The following SOX9 variants were observed in gnomAD, a reference collection of about 807,000 sequenced individuals.
The protein encoded by SOX9 is SRY-box transcription factor 9.
SOX9 carries 2 observed loss-of-function variants against 44.8 expected under a neutral mutation model. The observed-to-expected ratio is 0.04, with a 90% CI of 0.02 to 0.14. The LOEUF (loss-of-function observed/expected upper bound fraction) is 0.14. Ranked by LOEUF, SOX9 falls within the 10% of genes least tolerant of loss-of-function variation. The pLI is 1.00. For synonymous variants in SOX9, 381 were observed against 331.8 expected (o/e 1.15, Z -1.61); for missense variants, 583 against 728.6 (o/e 0.80, Z 2.30).
rs750617474 is a variant in SOX9, at chr17:72,124,399, A to T, written c.*12A>T. On this transcript the variant is annotated 3_prime_UTR_variant, in exon 3 of 3. Transcript: ENST00000245479. The surrounding 1 kb of genome is among the most constrained non-coding windows in gnomAD (Gnocchi z 4.6). The stretch of plus-strand genomic sequence containing the variant: ...TCACTCGACCTTGAGGAGGCCTCCC[A>T]CGAAGGGCGAAGATGGCCGAGATGA... 1.3e-6 allele frequency: 2 copies of T among 1,599,926 alleles called. No homozygotes were observed. The highest frequency in any genetic ancestry group is 4.5e-5 in the East Asian group (2 of 44,868).
rs1469172813 is a variant in SOX9, at chr17:72,122,838, A to C, written c.551A>C (p.Asn184Thr). 6.2e-7 allele frequency: 1 copy of C among 1,614,038 alleles called. No homozygotes were observed. Among genetic ancestry groups the C allele is most frequent in the East Asian group, 2.2e-5 (1 of 44,880 alleles). The change falls in exon 2 of 3, where the codon AAC becomes ACC. Residue 184 changes from asparagine (N) to threonine (T), a missense_variant. By Grantham distance (65) the Asn-to-Thr change is moderately conservative. This residue lies in a region of SOX9 where 88 missense variants were observed against 65.5 expected (regional missense o/e 1.34). Coordinates refer to ENST00000245479, the MANE Select transcript of SOX9 (RefSeq NM_000346.4). The part of the protein sequence containing the change: ...YQPRRRKSVK[N>T]GQAEAEEATE... The stretch of plus-strand genomic sequence containing the variant: ...CCGCGGCGGAGGAAGTCGGTGAAGA[A>C]CGGGCAGGCGGAGGCAGAGGAGGCC...
chr17:72,124,781 G>T lies in SOX9; in HGVS notation c.*394G>T. ...GGACTTTGTAATTATTTTTTTAGCA[G>T]TAATTAAAGAAAAAAGTCCTCTGTG... On this transcript the variant is annotated 3_prime_UTR_variant, in exon 3 of 3. Coordinates refer to ENST00000245479, the MANE Select transcript of SOX9 (RefSeq NM_000346.4). The surrounding 1 kb of genome is among the most constrained non-coding windows in gnomAD (Gnocchi z 4.6). 2.7e-6 allele frequency: 1 copy of T among 370,592 alleles called. No individual in the cohort carries two copies. Among genetic ancestry groups the T allele is most frequent in the South Asian group, 3.7e-5 (1 of 27,248 alleles). 23.0% of individuals were successfully genotyped at this position (370,592 alleles called of 1,614,324 possible). A position where few individuals can be genotyped will look rare whatever the true frequency, so the allele number is the denominator to read the frequency against.
chr17:72,124,942 C>G lies in SOX9; in HGVS notation c.*555C>G, dbSNP rs1908237499. ...AACAGCTAAACTACTCTTAGTTGAA[C>G]AGTGTGCCCTAGCTTTTCTTGCAAC... On this transcript the variant is annotated 3_prime_UTR_variant, in exon 3 of 3. Coordinates refer to ENST00000245479, the MANE Select transcript of SOX9 (RefSeq NM_000346.4). The surrounding 1 kb of genome is among the most constrained non-coding windows in gnomAD (Gnocchi z 4.6). 4.3e-6 allele frequency: 1 copy of G among 234,746 alleles called. No homozygotes were observed. Among genetic ancestry groups the G allele is most frequent in the Admixed American group, 5.0e-5 (1 of 19,940 alleles). The allele number at this position is 234,746 out of a possible 1,614,324, so 14.5% of individuals were successfully genotyped here. A position where few individuals can be genotyped will look rare whatever the true frequency, so the allele number is the denominator to read the frequency against.
rs1908071810 is a variant in SOX9 at position 72,121,156 on chromosome 17, T to TCCC, written c.-234_-232dup. ...GCGCCCCCACTTTTGCTCTTTTTCC[T>TCCC]CCCCTCCTCCTCCTCTCCAATTCGC... On this transcript the variant is annotated 5_prime_UTR_variant, in exon 1 of 3. Coordinates refer to ENST00000245479, the MANE Select transcript of SOX9 (RefSeq NM_000346.4). The surrounding 1 kb of genome is among the most constrained non-coding windows in gnomAD (Gnocchi z 8.3). 1 of 570,840 alleles carries TCCC rather than the reference T, an allele frequency of 1.8e-6. No homozygotes were observed. 35.4% of individuals were successfully genotyped at this position (570,840 alleles called of 1,614,324 possible).
intron 1 of SOX9, 83 bp from the exon 2 acceptor site, chr17:72,122,636 C>T (rs2143244232): frequency 6.9e-7 from 1 of 1,442,524 alleles, no homozygotes; most frequent in Non-Finnish European, 9.5e-7. Flanking sequence ...TCGCCGCCTC[C>T]TCCCCGCCGA....
In SOX9 at chr17:72,123,771, G is replaced by C. The variant is rs143697828; in HGVS notation, c.914G>C (p.Gly305Ala). Residue 305 changes from glycine to alanine, a missense_variant, in exon 3 of 3, where the codon GGG becomes GCG. This residue lies in a region of SOX9 where 349 missense variants were observed against 387.0 expected (regional missense o/e 0.90). Transcript: ENST00000245479. This position sits in a 1 kb window ranked among gnomAD's most constrained non-coding sequence, Gnocchi z 6.5. ...DQYLPPNGHP[G>A]VPATHGQVTY... is the part of the protein sequence containing the mutation. ...TACCTGCCGCCCAACGGCCACCCGG[G>C]GGTGCCGGCCACGCACGGCCAGGTC... 1.7e-4 allele frequency: 277 copies of C among 1,613,218 alleles called. No individual in the cohort carries two copies. The highest frequency in any genetic ancestry group is 2.3e-4 in the Non-Finnish European group (272 of 1,179,936).
In SOX9 at chr17:72,123,844, G is replaced by A. The variant is rs200484258; in HGVS notation, c.987G>A (p.Ala329=). 49 of 1,598,094 alleles carry A rather than the reference G, an allele frequency of 3.1e-5. No homozygotes were observed. The Admixed American group carries it at 3.4e-4, about 11-fold the overall frequency. Residue 329 remains alanine, a synonymous_variant, in exon 3 of 3, where the codon GCG becomes GCA. Coordinates refer to ENST00000245479, the MANE Select transcript of SOX9 (RefSeq NM_000346.4). This position sits in a 1 kb window ranked among gnomAD's most constrained non-coding sequence, Gnocchi z 6.5. ...TCAGCAGCACCGCGGCCACCCCGGC[G>A]AGCGCGGGCCACGTGTGGATGTCCA... ...YGISSTAATP[A]SAGHVWMSKQ... is the part of the protein sequence containing the mutation.
In SOX9 at chr17:72,125,122, T is replaced by TA. The variant is rs572140615; in HGVS notation, c.*744dup. 295 of 221,786 alleles carry TA rather than the reference T, an allele frequency of 1.3e-3. No homozygotes were observed. Among genetic ancestry groups the TA allele is most frequent in the East Asian group, 2.2e-3 (34 of 15,142 alleles). 13.7% of individuals were successfully genotyped at this position (221,786 alleles called of 1,614,324 possible). A position where few individuals can be genotyped will look rare whatever the true frequency, so the allele number is the denominator to read the frequency against. Reference sequence around the variant, plus strand: ...TTTGCGATTTAAGGAGGAGCTGCCTTAAAAAAAAATAAAGGCCTTATTTTG... The same window carrying TA: ...TTTGCGATTTAAGGAGGAGCTGCCTTAAAAAAAAAATAAAGGCCTTATTTTG... On this transcript the variant is annotated 3_prime_UTR_variant, in exon 3 of 3. Coordinates refer to ENST00000245479, the MANE Select transcript of SOX9 (RefSeq NM_000346.4).
At position 72,124,615 on chromosome 17, in the gene SOX9, G is replaced by A. The variant is rs894357616; in HGVS notation, c.*228G>A. 8.1e-6 allele frequency: 5 copies of A among 615,360 alleles called. No individual in the cohort carries two copies. In the African/African-American group the frequency reaches 9.2e-5, roughly 11 times the overall value. 38.1% of individuals were successfully genotyped at this position (615,360 alleles called of 1,614,324 possible). ...TATCCAAGCGCATTACCCACTTGTGGCCAATCAGTGGCCAGGCCAACCTTG... is the reference window on the plus strand; with the variant it reads ...TATCCAAGCGCATTACCCACTTGTGACCAATCAGTGGCCAGGCCAACCTTG... On this transcript the variant is annotated 3_prime_UTR_variant, in exon 3 of 3. Coordinates refer to ENST00000245479, the MANE Select transcript of SOX9 (RefSeq NM_000346.4). This position sits in a 1 kb window ranked among gnomAD's most constrained non-coding sequence, Gnocchi z 4.6.
intron 1 of SOX9, among the ~76,000 whole-genome samples, chr17:72,122,211 C>G (rs1908118199): frequency 6.6e-6 from 1 of 152,050 alleles, no homozygotes; most frequent in African/African-American, 2.4e-5. Flanking sequence ...TGCAGCCCCA[C>G]TGTCCACGGA....
In SOX9 at chr17:72,126,364, C is replaced by CAT. The variant is rs796209434; in HGVS notation, c.*1977_*1978insAT. On this transcript the variant is annotated 3_prime_UTR_variant, in exon 3 of 3. Transcript: ENST00000245479. ...AACTTACCTTTCCCTTTTTCTTTCT[C>CAT]TTTTTTTTTTTTGTATATTATTGTT... is the stretch of plus-strand genomic sequence containing the variant. 4.9e-6 allele frequency: 1 copy of CAT among 204,446 alleles called. No homozygotes were observed. Among genetic ancestry groups the CAT allele is most frequent in the Admixed American group, 6.1e-5 (1 of 16,312 alleles). 12.7% of individuals were successfully genotyped at this position (204,446 alleles called of 1,614,324 possible). A position where few individuals can be genotyped will look rare whatever the true frequency, so the allele number is the denominator to read the frequency against.
At position 72,123,075 on chromosome 17, in the gene SOX9, G is replaced by T; in HGVS notation, c.685+103G>T. 6.9e-7 allele frequency: 1 copy of T among 1,448,286 alleles called. No homozygotes were observed. Among genetic ancestry groups the T allele is most frequent in the Non-Finnish European group, 9.5e-7 (1 of 1,054,922 alleles). 89.7% of individuals were successfully genotyped at this position (1,448,286 alleles called of 1,614,324 possible). A position where few individuals can be genotyped will look rare whatever the true frequency, so the allele number is the denominator to read the frequency against. On this transcript the variant is annotated intron_variant, in intron 2 of 2. Coordinates refer to ENST00000245479, the MANE Select transcript of SOX9 (RefSeq NM_000346.4). The surrounding 1 kb of genome is among the most constrained non-coding windows in gnomAD (Gnocchi z 6.5). ...TCTTCGTGGGGACTTTATGCTTCCC[G>T]GGAGGGACACACTGCCCTTTGCGCC...
At position 72,122,975 on chromosome 17, in the gene SOX9, G is replaced by A. The variant is rs2143247541; in HGVS notation, c.685+3G>A. The A allele has an allele frequency of 6.2e-7, 1 of 1,612,684 alleles. No homozygotes were observed. Among genetic ancestry groups the A allele is most frequent in the South Asian group, 1.1e-5 (1 of 91,068 alleles). On this transcript the variant is annotated splice_donor_region_variant and intron_variant, in intron 2 of 2. Transcript: ENST00000245479. ...GCACTCCCCCGGCGAGCACTCGGGTGAGTCGCCCCTCGACCCCACCGGACA... is the reference window on the plus strand; with the variant it reads ...GCACTCCCCCGGCGAGCACTCGGGTAAGTCGCCCCTCGACCCCACCGGACA...
chr17:72,123,083 C>A lies in SOX9; in HGVS notation c.685+111C>A. On this transcript the variant is annotated intron_variant, in intron 2 of 2. Transcript: ENST00000245479. This position sits in a 1 kb window ranked among gnomAD's most constrained non-coding sequence, Gnocchi z 6.5. ...GGGACTTTATGCTTCCCGGGAGGGA[C>A]ACACTGCCCTTTGCGCCCGTCCCGC... is the stretch of plus-strand genomic sequence containing the variant. 7.3e-7 allele frequency: 1 copy of A among 1,375,036 alleles called. No homozygotes were observed. Among genetic ancestry groups the A allele is most frequent in the Admixed American group, 1.8e-5 (1 of 55,290 alleles). 85.2% of individuals were successfully genotyped at this position (1,375,036 alleles called of 1,614,324 possible).
In SOX9 at chr17:72,123,839, C is replaced by T. The variant is rs1266191864; in HGVS notation, c.982C>T (p.Pro328Ser). The change falls in exon 3 of 3, where the codon CCG (proline) becomes TCG (serine). Residue 328 changes from proline (P) to serine (S), a missense_variant. Pro to Ser is a moderately conservative substitution (Grantham distance 74). This residue lies in a region of SOX9 where 349 missense variants were observed against 387.0 expected (regional missense o/e 0.90). Coordinates refer to ENST00000245479, the MANE Select transcript of SOX9 (RefSeq NM_000346.4). This position sits in a 1 kb window ranked among gnomAD's most constrained non-coding sequence, Gnocchi z 6.5. ...CGGCATCAGCAGCACCGCGGCCACCCCGGCGAGCGCGGGCCACGTGTGGAT... is the reference window on the plus strand; with the variant it reads ...CGGCATCAGCAGCACCGCGGCCACCTCGGCGAGCGCGGGCCACGTGTGGAT... ...SYGISSTAAT[P>S]ASAGHVWMSK... is the part of the protein sequence containing the mutation. 6.2e-7 allele frequency: 1 copy of T among 1,601,310 alleles called. No homozygotes were observed. Among genetic ancestry groups the T allele is most frequent in the Non-Finnish European group, 8.5e-7 (1 of 1,174,964 alleles).
At position 72,122,914 on chromosome 17, in the gene SOX9, C is replaced by G. The variant is rs752697003; in HGVS notation, c.627C>G (p.Ala209=). 1 of 1,614,108 alleles carries G rather than the reference C, an allele frequency of 6.2e-7. No individual in the cohort carries two copies. The highest frequency in any genetic ancestry group is 8.5e-7 in the Non-Finnish European group (1 of 1,180,002). The change falls in exon 2 of 3, where the codon GCC becomes GCG. Residue 209 remains alanine, a synonymous_variant. Transcript: ENST00000245479. ...SPNAIFKALQ[A]DSPHSSSGMS... ...ACGCCATCTTCAAGGCGCTGCAGGC[C>G]GACTCGCCACACTCCTCCTCCGGCA...
rs373719106 is a variant in SOX9 at position 72,122,809 on chromosome 17, C to T, written c.522C>T (p.Tyr174=). ...QHKKDHPDYK[Y]QPRRRKSVKN... ...AGAAGGACCACCCGGATTACAAGTA[C>T]CAGCCGCGGCGGAGGAAGTCGGTGA... is the stretch of plus-strand genomic sequence containing the variant. The change falls in exon 2 of 3, where the codon TAC becomes TAT. Residue 174 remains tyrosine, a synonymous_variant. Coordinates refer to ENST00000245479, the MANE Select transcript of SOX9 (RefSeq NM_000346.4). 7.5e-5 allele frequency: 121 copies of T among 1,614,170 alleles called. No homozygotes were observed. The highest frequency in any genetic ancestry group is 2.0e-4 in the East Asian group (9 of 44,876).
Position 72,125,402 on chromosome 17 carries a change from G to A in SOX9, c.*1015G>A, listed in dbSNP as rs962716484. 1.3e-5 allele frequency: 3 copies of A among 228,464 alleles called. No individual in the cohort carries two copies. The highest frequency in any genetic ancestry group is 4.4e-5 in the African/African-American group (2 of 45,046). 14.2% of individuals were successfully genotyped at this position (228,464 alleles called of 1,614,324 possible). A position where few individuals can be genotyped will look rare whatever the true frequency, so the allele number is the denominator to read the frequency against. ...ATAAGTGCCCGAGCACACTGCCCCC[G>A]GTTGCCTGCCTGGGCCCCATGTGGA... is the stretch of plus-strand genomic sequence containing the variant. On this transcript the variant is annotated 3_prime_UTR_variant, in exon 3 of 3. Transcript: ENST00000245479.
Position 72,122,978 on chromosome 17 carries a change from T to TCGCC in SOX9, c.685+8_685+11dup, listed in dbSNP as rs1555629214. 18 of 1,611,594 alleles carry TCGCC rather than the reference T, an allele frequency of 1.1e-5. No homozygotes were observed. Among genetic ancestry groups the TCGCC allele is most frequent in the Non-Finnish European group, 1.4e-5 (17 of 1,179,770 alleles). ...CTCCCCCGGCGAGCACTCGGGTGAG[T>TCGCC]CGCCCCTCGACCCCACCGGACAAGC... is the stretch of plus-strand genomic sequence containing the variant. On this transcript the variant is annotated splice_region_variant and intron_variant, in intron 2 of 2. Transcript: ENST00000245479.
Sources: gnomAD v4.1 joint callset for allele counts (sites outside exome capture counted in the v4.1 genomes callset) on GRCh38, gnomAD v4.1.1 for gene constraint, gnomAD v4.1.1 regional missense constraint, Gnocchi (gnomAD v3.1) non-coding constraint, MANE v1.5 for transcripts, NCBI Gene and HGNC (gene_info 2026-07-23, HGNC 2026-07-21) for gene names.